The following DNAH9 variants were observed in gnomAD, a reference collection of about 807,000 sequenced individuals.
DNAH9 encodes the protein DNAH9 variant protein.
Under a neutral mutation model 471.6 loss-of-function variants are expected in DNAH9, and 345 were observed. The observed-to-expected ratio is 0.73, with a 90% CI of 0.67 to 0.80. The LOEUF is 0.80. DNAH9 is among the 30% of genes least tolerant of loss of function. The probability of loss-of-function intolerance (pLI) is 0.00; values close to 1 mark genes in which losing one functional copy is unlikely to be tolerated. For missense variants in DNAH9, 5,407 were observed against 5,609.2 expected (o/e 0.96, Z 1.15); for synonymous variants, 2,093 against 2,123.6 (o/e 0.99, Z 0.40).
intron 45 of DNAH9, among the ~76,000 whole-genome samples, chr17:11,815,034 G>A (rs1352589946): frequency 2.0e-5 from 3 of 152,104 alleles, no homozygotes; most frequent in African/African-American, 7.2e-5. Flanking sequence ...CATACTTAGT[G>A]GACTCATTAG....
At chr17:11,672,589 C>G (rs1287682355) in intron 17 of DNAH9, among the ~76,000 whole-genome samples, 1 of 152,224 alleles carries the variant, frequency 6.6e-6, no homozygotes, top group Admixed American at 6.5e-5. Flanking sequence ...ATTAGTCCCT[C>G]TTGCTCACCA....
intron 38 of DNAH9, among the ~76,000 whole-genome samples, chr17:11,779,873 G>C (rs1191486022): frequency 6.6e-6 from 1 of 152,170 alleles, no homozygotes; most frequent in African/African-American, 2.4e-5. Context: ...ATTTAACTCA[G>C]GACCAGAAAA....
intron 22 of DNAH9, among the ~76,000 whole-genome samples, chr17:11,698,247 TA>T (rs1461085701): frequency 1.4e-4 from 6 of 43,334 alleles, no homozygotes; most frequent in African/African-American, 2.7e-4. Flanking sequence ...TATTATATAA[TA>T]TATTAATATA....
chr17:11,841,091 G>T (rs183074634), intron 49 of DNAH9, among the ~76,000 whole-genome samples: 1 of 152,118 alleles, frequency 6.6e-6, no homozygotes, highest in African/African-American at 2.4e-5. Flanking sequence ...CCCACATCCT[G>T]GCCAACCTTA....
intron 14 of DNAH9, among the ~76,000 whole-genome samples, chr17:11,659,414 G>A (rs2073713554): frequency 6.6e-6 from 1 of 152,104 alleles, no homozygotes; most frequent in Non-Finnish European, 1.5e-5. Context: ...GGAACACCAA[G>A]CTCTGTGCCA....
intron 61 of DNAH9, among the ~76,000 whole-genome samples, chr17:11,907,009 A>G (rs947483297): frequency 1.3e-5 from 2 of 151,986 alleles, no homozygotes; most frequent in African/African-American, 4.8e-5. Context: ...CACTGAACTT[A>G]AAATAAAGTT....
rs1974947363 is a variant in DNAH9 at position 11,942,304 on chromosome 17, T to C, written c.12662T>C (p.Val4221Ala). 1 of 1,613,824 alleles carries C rather than the reference T, an allele frequency of 6.2e-7. No homozygotes were observed. The highest frequency in any genetic ancestry group is 8.5e-7 in the Non-Finnish European group (1 of 1,179,798). ...DGAGATREEK[V>A]KALLEEILER... ...GCTGTGTTTCCTTCTGTGGGGCAGGTCAAGGCACTTCTGGAAGAAATATTG... is the reference window on the plus strand; with the variant it reads ...GCTGTGTTTCCTTCTGTGGGGCAGGCCAAGGCACTTCTGGAAGAAATATTG... The change falls in exon 67 of 69, where the codon GTC becomes GCC. Residue 4221 changes from valine (V) to alanine (A), a missense_variant and splice_region_variant. Val to Ala is a moderately conservative substitution (Grantham distance 64). This residue lies in a region of DNAH9 where 4,636 missense variants were observed against 4,900.3 expected (regional missense o/e 0.95). Transcript: ENST00000262442.
chr17:11,748,488 G>A (rs1193414126), intron 32 of DNAH9, among the ~76,000 whole-genome samples: 2 of 152,118 alleles, frequency 1.3e-5, no homozygotes, highest in Non-Finnish European at 2.9e-5. Context: ...GGTGCAGTCT[G>A]GCATCCTATA....
At chr17:11,677,208 TTAATCTATCATCACTTACTAAGA>T (rs2150737389) in intron 17 of DNAH9, among the ~76,000 whole-genome samples, 1 of 152,282 alleles carries the variant, frequency 6.6e-6, no homozygotes, top group Admixed American at 6.5e-5. Context: ...TTTAATCTAC[TTAATCTATCATCACTTACTAAGA>T]TAATTGTATT....
intron 49 of DNAH9, among the ~76,000 whole-genome samples, chr17:11,841,495 C>A (rs558930118): frequency 6.6e-6 from 1 of 152,292 alleles, no homozygotes; most frequent in Admixed American, 6.5e-5. Flanking sequence ...ACTTATGCGT[C>A]CATCTTGCTC....
chr17:11,601,930 T>C (rs1567655538), intron 1 of DNAH9, among the ~76,000 whole-genome samples: 1 of 152,110 alleles, frequency 6.6e-6, no homozygotes. Flanking sequence ...AAAGCTGTAA[T>C]TTTAATATTA....
At chr17:11,715,615 C>A (rs886365255) in intron 26 of DNAH9, among the ~76,000 whole-genome samples, 2 of 152,166 alleles carry the variant, frequency 1.3e-5, no homozygotes, top group African/African-American at 2.4e-5. Flanking sequence ...CAATCCATAT[C>A]CATGTTGGGA....
chr17:11,921,817 C>T (rs1397366879), intron 61 of DNAH9, among the ~76,000 whole-genome samples: 3 of 152,156 alleles, frequency 2.0e-5, no homozygotes, highest in Non-Finnish European at 4.4e-5. Context: ...CAGACTGATC[C>T]CAGCCGGGCT....
At chr17:11,743,901 C>T (rs971659744) in intron 30 of DNAH9, among the ~76,000 whole-genome samples, 7 of 151,222 alleles carry the variant, frequency 4.6e-5, no homozygotes, top group Non-Finnish European at 8.8e-5. Flanking sequence ...GTGATCTCGG[C>T]TCGCTGCAAC....
chr17:11,609,918 A>T (rs1474087593), intron 2 of DNAH9, among the ~76,000 whole-genome samples: 1 of 152,226 alleles, frequency 6.6e-6, no homozygotes, highest in Non-Finnish European at 1.5e-5. Flanking sequence ...TGAGGAAATC[A>T]CAGGGAGTTA....
In DNAH9 at chr17:11,742,205, A is replaced by G. The variant is rs765103622; in HGVS notation, c.6003A>G (p.Glu2001=). The change falls in exon 30 of 69, where the codon GAA becomes GAG. Residue 2001 remains glutamate (E), a synonymous_variant. Coordinates refer to ENST00000262442, the MANE Select transcript of DNAH9 (RefSeq NM_001372.4). ...RPCAMVVPDF[E]LICEIMLVAE... is the part of the protein sequence containing the mutation. Reference sequence around the variant, plus strand: ...GTGCAATGGTGGTTCCAGACTTTGAATTGATCTGTGAAATCATGCTGGTGG... The same window carrying G: ...GTGCAATGGTGGTTCCAGACTTTGAGTTGATCTGTGAAATCATGCTGGTGG... 1 of 1,614,110 alleles carries G rather than the reference A, an allele frequency of 6.2e-7. No individual in the cohort carries two copies. The highest frequency in any genetic ancestry group is 1.1e-5 in the South Asian group (1 of 91,068).
chr17:11,734,438 C>T (rs2075314155), intron 28 of DNAH9, among the ~76,000 whole-genome samples: 1 of 152,180 alleles, frequency 6.6e-6, no homozygotes, highest in South Asian at 2.1e-4. Flanking sequence ...CCACATGGTT[C>T]ACACGTTCAG....
intron 57 of DNAH9, among the ~76,000 whole-genome samples, chr17:11,887,883 C>T (rs1212565530): frequency 1.3e-5 from 2 of 152,096 alleles, no homozygotes; most frequent in Non-Finnish European, 2.9e-5. Flanking sequence ...GTTCCTGGGG[C>T]TCATTTGATT....
intron 61 of DNAH9, among the ~76,000 whole-genome samples, chr17:11,906,406 C>T (rs1173406258): frequency 6.6e-6 from 1 of 151,962 alleles, no homozygotes; most frequent in African/African-American, 2.4e-5. Flanking sequence ...GTGGGTGAAT[C>T]ACCTGAGGTC....
Sources: gnomAD v4.1 joint callset for allele counts (sites outside exome capture counted in the v4.1 genomes callset) on GRCh38, gnomAD v4.1.1 for gene constraint, gnomAD v4.1.1 regional missense constraint, MANE v1.5 for transcripts, NCBI Gene and HGNC (gene_info 2026-07-23, HGNC 2026-07-21) for gene names.